Variants in DNAH6 observed in about 807,000 individuals in gnomAD.
The protein encoded by DNAH6 is dynein axonemal heavy chain 6.
In DNAH6, 340 loss-of-function variants were observed where a neutral mutation model predicts 491.4. That is an observed-to-expected ratio of 0.69 (90% CI 0.63 to 0.76). The LOEUF (loss-of-function observed/expected upper bound fraction) is 0.76. Among genes scored for constraint, DNAH6 ranks in the 30% least tolerant of loss-of-function variants. DNAH6 has a pLI of 0.00. For missense variants in DNAH6, 4,443 were observed against 4,972.2 expected (o/e 0.89, Z 3.20); for synonymous variants, 1,603 against 1,686.1 (o/e 0.95, Z 1.21).
At chr2:84,585,244 C>G (rs1448606307) in intron 15 of DNAH6, among the ~76,000 whole-genome samples, 2 of 152,190 alleles carry the variant, frequency 1.3e-5, no homozygotes, top group African/African-American at 4.8e-5. Context: ...ATCCACTACT[C>G]ATATCAATAA....
chr2:84,770,157 A>G (rs1313013165), intron 64 of DNAH6, among the ~76,000 whole-genome samples: 1 of 152,214 alleles, frequency 6.6e-6, no homozygotes, highest in African/African-American at 2.4e-5. Context: ...AGAGACATAC[A>G]ACAAAAAATA....
chr2:84,620,036 C>T (rs1687250085), intron 24 of DNAH6, 132 bp downstream of exon 24: 1 of 731,990 alleles, frequency 1.4e-6, no homozygotes, highest in African/African-American at 1.8e-5. Flanking sequence ...TTCTTGCCCT[C>T]AAAGAGCTCA....
chr2:84,761,104 T>C (rs994778897), intron 63 of DNAH6, among the ~76,000 whole-genome samples: 15 of 152,194 alleles, frequency 9.9e-5, no homozygotes, highest in Non-Finnish European at 1.8e-4. Context: ...AAAGAAAATG[T>C]CATATATATA....
Position 84,778,211 on chromosome 2 carries a change from T to G in DNAH6, c.10704-3282T>G. 6.0e-6 allele frequency: 4 copies of G among 667,114 alleles called. No homozygotes were observed. The East Asian group carries it at 1.1e-4, about 18-fold the overall frequency. 41.3% of individuals were successfully genotyped at this position (667,114 alleles called of 1,614,324 possible). ...AGAAGATTATGAATCAGCTGATCCT[T>G]GAGAGTTGCCATATTGGACTTGGAA... On this transcript the variant is annotated intron_variant, in intron 64 of 76. Coordinates refer to ENST00000389394, the MANE Select transcript of DNAH6 (RefSeq NM_001370.2).
chr2:84,772,560 G>A (rs958797426), intron 64 of DNAH6, among the ~76,000 whole-genome samples: 4 of 151,858 alleles, frequency 2.6e-5, no homozygotes, highest in South Asian at 2.1e-4. Flanking sequence ...AAAAGACAGG[G>A]ATATAATTTA....
chr2:84,577,134 A>G, intron 12 of DNAH6, 123 bp from the exon 13 acceptor site: 3 of 527,228 alleles, frequency 5.7e-6, no homozygotes, highest in Non-Finnish European at 9.1e-6. Flanking sequence ...CTCTAAGTAC[A>G]GATAATAACA....
In DNAH6 at chr2:84,799,160, G is replaced by A. The variant is rs910234148; in HGVS notation, c.11481+1502G>A. On this transcript the variant is annotated intron_variant, in intron 70 of 76. Transcript: ENST00000389394. ...CTGTCATCATGCCCAGCTAATTTTT[G>A]TGTTTTTAGTAGAGACAGGGTTTCA... 2.6e-5 allele frequency among the ~76,000 whole-genome samples: 4 copies of A among 151,998 alleles called. No individual in the cohort carries two copies. In the East Asian group the frequency reaches 7.7e-4, roughly 29 times the overall value.
chr2:84,656,727 G>A (rs1426545326), intron 35 of DNAH6, among the ~76,000 whole-genome samples: 2 of 151,840 alleles, frequency 1.3e-5, no homozygotes, highest in Non-Finnish European at 2.9e-5. Context: ...TTTTCTCCTA[G>A]TCTATGGCTT....
In DNAH6 at chr2:84,754,315, G is replaced by A. The variant is rs138867551; in HGVS notation, c.10513-8440G>A. 7.3e-3 allele frequency among the ~76,000 whole-genome samples: 1,106 copies of A among 152,238 alleles called. 13 individuals carry two copies. The highest frequency in any genetic ancestry group is 0.025 in the African/African-American group (1,022 of 41,530). On this transcript the variant is annotated intron_variant, in intron 63 of 76. Transcript: ENST00000389394. ...CTGCCTCAGCTTCCCAAGTAGCTGGGATTACAAGTGGCCACCACCACACCT... is the reference window on the plus strand; with the variant it reads ...CTGCCTCAGCTTCCCAAGTAGCTGGAATTACAAGTGGCCACCACCACACCT...
chr2:84,681,240 CTT>C, intron 41 of DNAH6, 115 bp from the exon 42 acceptor site: 1 of 859,024 alleles, frequency 1.2e-6, no homozygotes, highest in South Asian at 2.1e-5. Flanking sequence ...TACCAGAAGA[CTT>C]TGTGTTGGAA....
intron 52 of DNAH6, 126 bp from the exon 53 acceptor site, chr2:84,706,770 C>T: frequency 1.9e-6 from 2 of 1,060,142 alleles, no homozygotes; most frequent in South Asian, 3.7e-5. Context: ...CTTTATGTAT[C>T]ACATCAAAGT....
intron 60 of DNAH6, among the ~76,000 whole-genome samples, chr2:84,727,403 A>G (rs1394909106): frequency 6.6e-6 from 1 of 152,178 alleles, no homozygotes; most frequent in East Asian, 1.9e-4. Flanking sequence ...GCAAAATGAC[A>G]TATAATGAAA....
At chr2:84,677,851 C>T (rs1296484290) in intron 41 of DNAH6, among the ~76,000 whole-genome samples, 1 of 152,102 alleles carries the variant, frequency 6.6e-6, no homozygotes, top group South Asian at 2.1e-4. Context: ...CAGGGAGGAA[C>T]AGATCTTAGG....
intron 41 of DNAH6, among the ~76,000 whole-genome samples, chr2:84,679,441 C>T (rs932762032): frequency 1.3e-5 from 2 of 152,136 alleles, no homozygotes; most frequent in Admixed American, 6.5e-5. Context: ...TAAGGGTAAA[C>T]CGAACAGCAC....
intron 60 of DNAH6, among the ~76,000 whole-genome samples, chr2:84,724,266 C>T (rs1698424680): frequency 6.6e-6 from 1 of 152,182 alleles, no homozygotes; most frequent in Admixed American, 6.6e-5. Flanking sequence ...CTGTTATATG[C>T]CCCTGTATAG....
chr2:84,536,645 T>C (rs554387338), intron 4 of DNAH6, among the ~76,000 whole-genome samples: 2 of 152,086 alleles, frequency 1.3e-5, no homozygotes, highest in African/African-American at 4.8e-5. Context: ...GAACAAGGTA[T>C]CCAAATTTTG....
chr2:84,609,969 T>C (rs756040709), intron 21 of DNAH6, among the ~76,000 whole-genome samples: 9 of 152,184 alleles, frequency 5.9e-5, no homozygotes, highest in Non-Finnish European at 1.2e-4. Context: ...TCTCACAGTT[T>C]CTGTGGCTCA....
chr2:84,460,670 A>G, the DNAH6 span, among the ~76,000 whole-genome samples: 2 of 149,866 alleles, frequency 1.3e-5, no homozygotes, highest in African/African-American at 4.9e-5. Flanking sequence ...ATTGATATAT[A>G]TAGGAGAAAT....
intron 16 of DNAH6, among the ~76,000 whole-genome samples, chr2:84,591,794 A>G (rs1684141780): frequency 6.6e-6 from 1 of 152,210 alleles, no homozygotes; most frequent in East Asian, 1.9e-4. Context: ...GGAAAACCGC[A>G]AAACAACAAA....
Sources: gnomAD v4.1 joint callset for allele counts (sites outside exome capture counted in the v4.1 genomes callset) on GRCh38, gnomAD v4.1.1 for gene constraint, MANE v1.5 for transcripts, NCBI Gene and HGNC (gene_info 2026-07-23, HGNC 2026-07-21) for gene names.